Variants in KIF13A observed in about 807,000 individuals in gnomAD.
KIF13A encodes kinesin-like protein KIF13A.
A neutral mutation model predicts 212.2 loss-of-function variants in KIF13A; 79 were observed. That is an observed-to-expected ratio of 0.37 (90% confidence interval 0.31 to 0.45). The LOEUF (loss-of-function observed/expected upper bound fraction) is 0.45, where lower values mean the gene tolerates loss of function less well. KIF13A is among the 20% of genes least tolerant of loss of function. KIF13A has a pLI of 1.00. For synonymous variants in KIF13A, 789 were observed against 808.6 expected, an observed-to-expected ratio of 0.98 and a Z score of 0.41; for missense variants, 1,901 against 2,209.0, an observed-to-expected ratio of 0.86 and a Z score of 2.79.
chr6:17,797,666 C>A (rs1184897509), intron 22 of KIF13A, among the ~76,000 whole-genome samples: 1 of 152,136 alleles, frequency 6.6e-6, no homozygotes, highest in Non-Finnish European at 1.5e-5. Context: ...GAGGCCAAGG[C>A]AGGAGGATAG....
At chr6:17,936,059 C>A (rs1776431975) in intron 2 of KIF13A, among the ~76,000 whole-genome samples, 2 of 152,316 alleles carry the variant, frequency 1.3e-5, no homozygotes, top group African/African-American at 4.8e-5. Context: ...AAAGTAACTT[C>A]ATATTACTTA....
intron 2 of KIF13A, among the ~76,000 whole-genome samples, chr6:17,937,788 C>T (rs1314861530): frequency 2.0e-5 from 3 of 146,734 alleles, no homozygotes; most frequent in Non-Finnish European, 3.0e-5. Context: ...CTCGCTCTGT[C>T]GACCAGGCTG....
At chr6:17,830,991 A>T in intron 13 of KIF13A, 110 bp downstream of exon 13, 1 of 971,722 alleles carries the variant, frequency 1.0e-6, no homozygotes, top group Non-Finnish European at 1.5e-6. Flanking sequence ...AGTTTTACTG[A>T]GGGCTAAGCT....
In KIF13A at chr6:17,794,658, C is replaced by G; in HGVS notation, c.2989G>C (p.Glu997Gln). ...RRIEMWISILELNELGEYAAV... is the reference protein window; with the variant it reads ...RRIEMWISILQLNELGEYAAV... ...GCATACTCTCCTAACTCATTCAATT[C>G]TAATATGGAGATCCACATTTCTATT... Residue 997 changes from glutamate to glutamine, a missense_variant, in exon 24 of 39, where the codon GAA (glutamate) becomes CAA (glutamine). Physicochemically the swap from Glu to Gln is conservative, Grantham distance 29. Transcript: ENST00000259711. This position sits in a 1 kb window ranked among gnomAD's most constrained non-coding sequence, Gnocchi z 4.1. 2 of 1,612,646 alleles carry G rather than the reference C, an allele frequency of 1.2e-6. No homozygotes were observed. Among genetic ancestry groups the G allele is most frequent in the Non-Finnish European group, 1.7e-6 (2 of 1,179,382 alleles).
chr6:17,793,986 T>C (rs761508090), intron 25 of KIF13A, among the ~76,000 whole-genome samples: 7 of 152,028 alleles, frequency 4.6e-5, no homozygotes, highest in Non-Finnish European at 7.4e-5. Context: ...ATACAACATA[T>C]TTTGGGCCAG....
intron 29 of KIF13A, among the ~76,000 whole-genome samples, chr6:17,782,633 T>TCAAAACAAAA (rs11271505): frequency 0.017 from 2,568 of 149,986 alleles, 28 homozygotes; most frequent in South Asian, 0.048. Context: ...AGACTCTGTC[T>TCAAAACAAAA]CAAAACAAAA....
rs1302636389 is a variant in KIF13A at position 17,783,454 on chromosome 6, A to T, written c.3544+192T>A. 6.6e-6 allele frequency among the ~76,000 whole-genome samples: 1 copy of T among 151,780 alleles called. No individual in the cohort carries two copies. The highest frequency in any genetic ancestry group is 2.4e-5 in the African/African-American group (1 of 41,448). Reference sequence around the variant, plus strand: ...CTAATGCTCGTGCATGCAGTTCTCAATCACCCTATGTGCTCTTTTTTTGAT... The same window carrying T: ...CTAATGCTCGTGCATGCAGTTCTCATTCACCCTATGTGCTCTTTTTTTGAT... On this transcript the variant is annotated intron_variant, in intron 29 of 38. Transcript: ENST00000259711. This position sits in a 1 kb window ranked among gnomAD's most constrained non-coding sequence, Gnocchi z 4.3.
Position 17,789,775 on chromosome 6 carries a change from A to C in KIF13A, c.3261+97T>G. 4.4e-5 allele frequency: 39 copies of C among 887,416 alleles called. No individual in the cohort carries two copies. Among genetic ancestry groups the C allele is most frequent in the Non-Finnish European group, 6.6e-5 (36 of 548,840 alleles). 55.0% of individuals were successfully genotyped at this position (887,416 alleles called of 1,614,324 possible). ...GTGAAAAACTGCATATTCTCGCTCT[A>C]GGGCCCTCCTTCCTCCTCCCTGGCC... is the stretch of plus-strand genomic sequence containing the variant. On this transcript the variant is annotated intron_variant, in intron 26 of 38. Transcript: ENST00000259711. The surrounding 1 kb of genome is among the most constrained non-coding windows in gnomAD (Gnocchi z 4.8).
At chr6:17,782,039 C>T (rs753714959) in intron 29 of KIF13A, among the ~76,000 whole-genome samples, 174 of 152,142 alleles carry the variant, frequency 1.1e-3, no homozygotes, top group Non-Finnish European at 2.0e-3. Flanking sequence ...CAAGTTCAAG[C>T]GGTTTTCCTG....
chr6:17,863,796 TTTTGTTTTGTTTTG>T (rs1769090798), intron 4 of KIF13A, among the ~76,000 whole-genome samples: 1 of 151,988 alleles, frequency 6.6e-6, no homozygotes, highest in South Asian at 2.1e-4. Context: ...TTTTTGTTTT[TTTTGTTTTGTTTTG>T]TTTTTGCTTT....
intron 2 of KIF13A, among the ~76,000 whole-genome samples, chr6:17,940,617 G>A (rs560270459): frequency 6.6e-6 from 1 of 152,216 alleles, no homozygotes; most frequent in African/African-American, 2.4e-5. Flanking sequence ...GAGTTTTCAG[G>A]AAGAGACCTC....
At chr6:17,793,783 G>C (rs1439846986) in intron 25 of KIF13A, among the ~76,000 whole-genome samples, 1 of 151,952 alleles carries the variant, frequency 6.6e-6, no homozygotes, top group African/African-American at 2.4e-5. Context: ...GCGTGGTGAT[G>C]TGTGCTTGTA....
chr6:17,951,296 T>G lies in KIF13A; in HGVS notation c.146+35758A>C. ...GTATGCGCCACCACGTCCAGCTAAT[T>G]TTAAACAAATTTTTTGTAGAGATGG... On this transcript the variant is annotated intron_variant, in intron 2 of 38. Transcript: ENST00000259711. This position sits in a 1 kb window ranked among gnomAD's most constrained non-coding sequence, Gnocchi z 4.9. 1 of 600,822 alleles carries G rather than the reference T, an allele frequency of 1.7e-6. No individual in the cohort carries two copies. Among genetic ancestry groups the G allele is most frequent in the Admixed American group, 2.9e-5 (1 of 34,712 alleles). 37.2% of individuals were successfully genotyped at this position (600,822 alleles called of 1,614,324 possible). A position where few individuals can be genotyped will look rare whatever the true frequency, so the allele number is the denominator to read the frequency against.
rs1284214467 is a variant in KIF13A at position 17,967,402 on chromosome 6, G to GA, written c.146+19651dup. The stretch of plus-strand genomic sequence containing the variant: ...TTATATTTTCAAAGTGTTCAACAGT[G>GA]AATGGGCATCACATTTATAATTAGA... On this transcript the variant is annotated intron_variant, in intron 2 of 38. Coordinates refer to ENST00000259711, the MANE Select transcript of KIF13A (RefSeq NM_022113.6). The surrounding 1 kb of genome is among the most constrained non-coding windows in gnomAD (Gnocchi z 4.1). 3.3e-5 allele frequency among the ~76,000 whole-genome samples: 5 copies of GA among 152,106 alleles called. No homozygotes were observed. Among genetic ancestry groups the GA allele is most frequent in the African/African-American group, 1.2e-4 (5 of 41,410 alleles).
At chr6:17,911,134 T>C (rs1354318812) in intron 2 of KIF13A, among the ~76,000 whole-genome samples, 1 of 152,264 alleles carries the variant, frequency 6.6e-6, no homozygotes, top group Non-Finnish European at 1.5e-5. Flanking sequence ...TTTAGAGGTA[T>C]AACAGTTTAT....
intron 4 of KIF13A, among the ~76,000 whole-genome samples, chr6:17,868,569 C>G (rs1426006496): frequency 6.7e-6 from 1 of 149,188 alleles, no homozygotes; most frequent in African/African-American, 2.5e-5. Flanking sequence ...TTTTCATTAG[C>G]CCTTACACAG....
intron 17 of KIF13A, chr6:17,812,625 A>G (rs1415350676): frequency 6.6e-6 from 1 of 152,194 alleles, no homozygotes; most frequent in East Asian, 1.9e-4. Context: ...TGTGAATAGC[A>G]CTGCAATGAA....
chr6:17,804,637 TATA>T (rs1286017267), intron 19 of KIF13A, 127 bp from the exon 20 acceptor site: 2 of 976,512 alleles, frequency 2.0e-6, no homozygotes, highest in African/African-American at 3.3e-5. Flanking sequence ...CAAGTAAAAT[TATA>T]ATGTCACATA....
At position 17,771,047 on chromosome 6, in the gene KIF13A, T is replaced by C; in HGVS notation, c.4581+67A>G. On this transcript the variant is annotated intron_variant, in intron 38 of 38. Transcript: ENST00000259711. This position sits in a 1 kb window ranked among gnomAD's most constrained non-coding sequence, Gnocchi z 5.4. ...GTCTTAATTTCTTCTAGCATTTGGA[T>C]GATTGTCTGTGAAAGGGCCTTAAAC... 2.0e-6 allele frequency: 2 copies of C among 985,576 alleles called. No homozygotes were observed. The highest frequency in any genetic ancestry group is 3.2e-6 in the Non-Finnish European group (2 of 633,176). 61.1% of individuals were successfully genotyped at this position (985,576 alleles called of 1,614,324 possible).
Sources: allele counts gnomAD v4.1 joint callset (sites outside exome capture counted in the v4.1 genomes callset), GRCh38; gene constraint gnomAD v4.1.1; non-coding constraint Gnocchi (gnomAD v3.1); transcripts MANE v1.5; gene names NCBI Gene and HGNC (gene_info 2026-07-23, HGNC 2026-07-21).